ARHGAP39: variants seen among roughly 807,000 people sequenced by gnomAD.
The protein encoded by ARHGAP39 is Rho GTPase activating protein 39.
In ARHGAP39, 44 loss-of-function variants were observed where a neutral mutation model predicts 106.9. That is an observed-to-expected ratio of 0.41 (90% CI 0.32 to 0.53). The LOEUF (loss-of-function observed/expected upper bound fraction) is 0.53, where lower values mean the gene tolerates loss of function less well. Ranked by LOEUF, ARHGAP39 falls within the 20% of genes least tolerant of loss-of-function variation. The pLI is 0.21. For missense variants in ARHGAP39, 1,496 were observed against 1,577.3 expected, an observed-to-expected ratio of 0.95 and a Z score of 0.87; for synonymous variants, 768 against 693.2, an observed-to-expected ratio of 1.11 and a Z score of -1.69.
chr8:144,569,928 G>A (rs1237269113), intron 3 of ARHGAP39, among the ~76,000 whole-genome samples: 8 of 152,142 alleles, frequency 5.3e-5, no homozygotes, highest in Non-Finnish European at 1.0e-4. Flanking sequence ...ACAGAAAAGC[G>A]TATATGCTGA....
chr8:144,566,938 A>G (rs187187192), intron 3 of ARHGAP39, among the ~76,000 whole-genome samples: 18 of 152,278 alleles, frequency 1.2e-4, no homozygotes, highest in Non-Finnish European at 2.2e-4. Context: ...ATGACAGCTG[A>G]TTTCTTGTTA....
At chr8:144,680,464 A>G (rs1822378694) in intron 1 of ARHGAP39, among the ~76,000 whole-genome samples, 1 of 152,218 alleles carries the variant, frequency 6.6e-6, no homozygotes, top group Non-Finnish European at 1.5e-5. Context: ...AGGGGGCTGC[A>G]GTGTACTGAC....
chr8:144,546,951 A>C (rs1817451060), intron 5 of ARHGAP39, among the ~76,000 whole-genome samples, 176 bp downstream of exon 5: 1 of 152,166 alleles, frequency 6.6e-6, no homozygotes, highest in African/African-American at 2.4e-5. Context: ...GTGGACTCCC[A>C]GCTGAGCCCT....
chr8:144,685,189 G>A (rs1296800033), intron 1 of ARHGAP39, among the ~76,000 whole-genome samples: 1 of 151,274 alleles, frequency 6.6e-6, no homozygotes, highest in Non-Finnish European at 1.5e-5. Flanking sequence ...CACCCCCCTG[G>A]GGCCGGACAC....
At chr8:144,541,498 A>G (rs186885981) in intron 6 of ARHGAP39, among the ~76,000 whole-genome samples, 1 of 152,148 alleles carries the variant, frequency 6.6e-6, no homozygotes, top group East Asian at 1.9e-4. Context: ...GAACTTTTTC[A>G]TCTTTCCAAA....
At chr8:144,678,507 G>A (rs1415190328) in intron 1 of ARHGAP39, among the ~76,000 whole-genome samples, 1 of 152,200 alleles carries the variant, frequency 6.6e-6, no homozygotes, top group Non-Finnish European at 1.5e-5. Context: ...TGGAAGGAGG[G>A]ACGCCAAGAA....
At chr8:144,575,729 A>C (rs1818747741) in intron 3 of ARHGAP39, among the ~76,000 whole-genome samples, 1 of 152,230 alleles carries the variant, frequency 6.6e-6, no homozygotes, top group Non-Finnish European at 1.5e-5. Flanking sequence ...TGAATACACA[A>C]ACCAGCGACA....
intron 3 of ARHGAP39, among the ~76,000 whole-genome samples, chr8:144,568,931 G>C (rs1286668150): frequency 6.6e-6 from 1 of 152,072 alleles, no homozygotes; most frequent in African/African-American, 2.4e-5. Context: ...CAAACAGCGA[G>C]ACGACAGATT....
intron 2 of ARHGAP39, among the ~76,000 whole-genome samples, chr8:144,590,936 A>AT (rs1023959440): frequency 1.3e-5 from 2 of 152,158 alleles, no homozygotes; most frequent in Non-Finnish European, 2.9e-5. Flanking sequence ...CGTCCAGGCC[A>AT]TTCTCCACGC....
At chr8:144,545,854 G>T in intron 5 of ARHGAP39, 44 bp from the exon 6 acceptor site, 1 of 1,421,712 alleles carries the variant, frequency 7.0e-7, no homozygotes, top group South Asian at 1.4e-5. Flanking sequence ...GTGGGGGAGG[G>T]CCAGGCAGGT....
chr8:144,667,474 G>A (rs1821992729), intron 1 of ARHGAP39, among the ~76,000 whole-genome samples: 1 of 152,154 alleles, frequency 6.6e-6, no homozygotes. Context: ...CATGTCACGT[G>A]TCTGCTTTTC....
intron 1 of ARHGAP39, among the ~76,000 whole-genome samples, chr8:144,672,466 T>C (rs1822123803): frequency 6.6e-6 from 1 of 152,074 alleles, no homozygotes; most frequent in Non-Finnish European, 1.5e-5. Context: ...GCAGGAAAGA[T>C]GAAAGGAGCA....
chr8:144,563,174 C>T (rs1226963017), intron 3 of ARHGAP39, among the ~76,000 whole-genome samples: 1 of 152,176 alleles, frequency 6.6e-6, no homozygotes, highest in Non-Finnish European at 1.5e-5. Context: ...CTTATGAAAA[C>T]TGAAGATAAT....
intron 1 of ARHGAP39, 125 bp from the exon 2 acceptor site, chr8:144,605,820 C>T (rs1012125051): frequency 5.8e-5 from 34 of 588,376 alleles, no homozygotes; most frequent in South Asian, 3.2e-4. Context: ...ACCCGTGAGC[C>T]GCCCCCGGGC....
chr8:144,608,156 CAAAAAAAAAAAA>C (rs60966946), intron 1 of ARHGAP39, among the ~76,000 whole-genome samples: 395 of 96,310 alleles, frequency 4.1e-3, no homozygotes, highest in African/African-American at 0.015. Context: ...GACTCTGTCT[CAAAAAAAAAAAA>C]AAAAAAAAAA....
chr8:144,608,787 AC>A (rs1434059258), intron 1 of ARHGAP39, among the ~76,000 whole-genome samples: 2 of 152,228 alleles, frequency 1.3e-5, no homozygotes, highest in African/African-American at 2.4e-5. Context: ...TTTTTAGTGT[AC>A]AAATCTTGCA....
intron 1 of ARHGAP39, among the ~76,000 whole-genome samples, chr8:144,636,816 A>C (rs1821183092): frequency 6.6e-6 from 1 of 152,316 alleles, no homozygotes; most frequent in South Asian, 2.1e-4. Context: ...TCCAGAAAAA[A>C]GATGCCTGAG....
intron 1 of ARHGAP39, among the ~76,000 whole-genome samples, chr8:144,637,240 C>T (rs536518653): frequency 4.6e-5 from 7 of 152,312 alleles, no homozygotes; most frequent in Non-Finnish European, 1.0e-4. Context: ...AATTTTTGCT[C>T]TATTTTCTGA....
chr8:144,694,297 C>T, the ARHGAP39 span, among the ~76,000 whole-genome samples: 11 of 152,056 alleles, frequency 7.2e-5, no homozygotes, highest in Non-Finnish European at 1.6e-4. Flanking sequence ...GTGTAGGTGG[C>T]GGGGAGTGGG....
Sources: allele counts gnomAD v4.1 joint callset (sites outside exome capture counted in the v4.1 genomes callset), GRCh38; gene constraint gnomAD v4.1.1; transcripts MANE v1.5; gene names NCBI Gene and HGNC (gene_info 2026-07-23, HGNC 2026-07-21).